Variants in GRAMD1B observed in about 807,000 individuals in gnomAD.
The protein encoded by GRAMD1B is GRAM domain containing 1B.
Under a neutral mutation model 99.7 loss-of-function variants are expected in GRAMD1B, and 37 were observed. The observed-to-expected ratio is 0.37, with a 90% CI of 0.29 to 0.49. GRAMD1B has a LOEUF of 0.49. Among genes scored for constraint, GRAMD1B ranks in the 20% least tolerant of loss-of-function variants. The pLI is 0.98. For missense variants in GRAMD1B, 888 were observed against 1,009.2 expected (o/e 0.88, Z 1.63); for synonymous variants, 427 against 387.6 (o/e 1.10, Z -1.19).
At chr11:123,437,540 T>A (rs189367005) in intron 1 of GRAMD1B, among the ~76,000 whole-genome samples, 1 of 152,156 alleles carries the variant, frequency 6.6e-6, no homozygotes, top group Non-Finnish European at 1.5e-5. Flanking sequence ...TGTACCATCT[T>A]TCACCTGGCT....
chr11:123,569,011 G>T (rs1030350894), intron 2 of GRAMD1B, among the ~76,000 whole-genome samples: 1 of 152,140 alleles, frequency 6.6e-6, no homozygotes, highest in African/African-American at 2.4e-5. Context: ...TGTGTGTGTG[G>T]GGAAGGGGAG....
chr11:123,470,644 A>G (rs904729385), intron 1 of GRAMD1B, among the ~76,000 whole-genome samples: 1 of 151,768 alleles, frequency 6.6e-6, no homozygotes, highest in Non-Finnish European at 1.5e-5. Context: ...CTCCCAAGTA[A>G]GAGAACACAA....
In GRAMD1B at chr11:123,610,038, G is replaced by A. The variant is rs1243188250; in HGVS notation, c.1776+125G>A. 5 of 840,698 alleles carry A rather than the reference G, an allele frequency of 5.9e-6. No homozygotes were observed. The highest frequency in any genetic ancestry group is 9.7e-6 in the Non-Finnish European group (5 of 515,180). 52.1% of individuals were successfully genotyped at this position (840,698 alleles called of 1,614,324 possible). ...AGTGTCATTTTGCCCCAAAGCGGTG[G>A]TGGCGTCTTGCTTGTTTAGTTGCTG... On this transcript the variant is annotated intron_variant, in intron 13 of 19. Transcript: ENST00000635736. This position sits in a 1 kb window ranked among gnomAD's most constrained non-coding sequence, Gnocchi z 4.1.
At chr11:123,542,347 T>C (rs1344491354) in intron 2 of GRAMD1B, among the ~76,000 whole-genome samples, 1 of 152,186 alleles carries the variant, frequency 6.6e-6, no homozygotes, top group Non-Finnish European at 1.5e-5. Flanking sequence ...CAAGGTCCCA[T>C]AGGGAACGTG....
intron 1 of GRAMD1B, among the ~76,000 whole-genome samples, chr11:123,476,466 C>T (rs1354929502): frequency 6.6e-6 from 1 of 152,212 alleles, no homozygotes; most frequent in Non-Finnish European, 1.5e-5. Flanking sequence ...GGCCAGGCCT[C>T]TGCCGAGGGT....
At chr11:123,488,106 C>T (rs1371299084) in intron 2 of GRAMD1B, among the ~76,000 whole-genome samples, 3 of 152,276 alleles carry the variant, frequency 2.0e-5, no homozygotes, top group African/African-American at 4.8e-5. Flanking sequence ...TTGCTTTGTC[C>T]TTACGTGGTA....
At position 123,610,819 on chromosome 11, in the gene GRAMD1B, C is replaced by T. The variant is rs538904724; in HGVS notation, c.1919+481C>T. ...TGTTAGACAGTGAGCTCCACGAGGA[C>T]AGGAATTCCATTCCACTTACACTTT... On this transcript the variant is annotated intron_variant, in intron 14 of 19. Coordinates refer to ENST00000635736, the MANE Select transcript of GRAMD1B (RefSeq NM_001387025.1). This position sits in a 1 kb window ranked among gnomAD's most constrained non-coding sequence, Gnocchi z 4.1. Among the ~76,000 whole-genome samples the T allele has an allele frequency of 1.3e-5, 2 of 152,192 alleles. No individual in the cohort carries two copies. The highest frequency in any genetic ancestry group is 2.9e-5 in the Non-Finnish European group (2 of 68,048).
intron 1 of GRAMD1B, among the ~76,000 whole-genome samples, chr11:123,395,204 AT>A: frequency 6.6e-6 from 1 of 152,338 alleles, no homozygotes; most frequent in East Asian, 1.9e-4. Context: ...AATAAAACAG[AT>A]TCTGGGAAAG....
chr11:123,411,074 G>A (rs541601318), intron 1 of GRAMD1B, among the ~76,000 whole-genome samples: 10 of 151,270 alleles, frequency 6.6e-5, no homozygotes, highest in Admixed American at 4.6e-4. Flanking sequence ...GCATGATCTC[G>A]GCTCACTGCA....
At chr11:123,445,559 T>C (rs1247707382) in intron 1 of GRAMD1B, among the ~76,000 whole-genome samples, 1 of 152,092 alleles carries the variant, frequency 6.6e-6, no homozygotes, top group Non-Finnish European at 1.5e-5. Flanking sequence ...CTTACCCTTG[T>C]AATCCCAGAA....
chr11:123,384,480 A>G (rs905001396), intron 1 of GRAMD1B, among the ~76,000 whole-genome samples: 4 of 152,098 alleles, frequency 2.6e-5, no homozygotes, highest in African/African-American at 9.7e-5. Context: ...TAAACCCTCT[A>G]GTCACTTATG....
intron 1 of GRAMD1B, among the ~76,000 whole-genome samples, chr11:123,384,468 C>A (rs1464091166): frequency 5.3e-5 from 8 of 152,182 alleles, no homozygotes; most frequent in Non-Finnish European, 8.8e-5. Context: ...ACCCCCTTCC[C>A]CTAAACCCTC....
intron 1 of GRAMD1B, among the ~76,000 whole-genome samples, chr11:123,385,610 C>A (rs1947028270): frequency 6.6e-6 from 1 of 152,138 alleles, no homozygotes. Flanking sequence ...GCCCCACAAG[C>A]CTGGAGAGTC....
chr11:123,379,332 C>T (rs1946795213), intron 1 of GRAMD1B, among the ~76,000 whole-genome samples: 1 of 152,108 alleles, frequency 6.6e-6, no homozygotes, highest in Admixed American at 6.5e-5. Flanking sequence ...ATGATGCCTA[C>T]CTGACAAGGC....
intron 1 of GRAMD1B, among the ~76,000 whole-genome samples, chr11:123,466,507 T>C (rs1269084354): frequency 6.6e-6 from 1 of 151,754 alleles, no homozygotes; most frequent in Non-Finnish European, 1.5e-5. Context: ...AAGAAAAAGA[T>C]TGACTGACTG....
chr11:123,495,883 C>T (rs1939196948), intron 2 of GRAMD1B, among the ~76,000 whole-genome samples: 1 of 152,074 alleles, frequency 6.6e-6, no homozygotes, highest in Non-Finnish European at 1.5e-5. Context: ...TTTTAGCTTT[C>T]TGTTGTTCTT....
chr11:123,477,044 T>C (rs1286306429), intron 1 of GRAMD1B, among the ~76,000 whole-genome samples: 1 of 152,240 alleles, frequency 6.6e-6, no homozygotes, highest in African/African-American at 2.4e-5. Context: ...TCTTTTCCTA[T>C]AACCCATAAA....
At position 123,419,698 on chromosome 11, in the gene GRAMD1B, AGTGTGTGTGTGTGTGTGT is replaced by A. The variant is rs3222403; in HGVS notation, c.-176+60931_-176+60948del. ...CAAGAAGGGAGTCGGGGAATTTCTA[AGTGTGTGTGTGTGTGTGT>A]GTGTGTGTGTGTGTGTGTGTGTGTG... On this transcript the variant is annotated intron_variant, in intron 1 of 20. Coordinates refer to the GRAMD1B transcript ENST00000638157. 4.2e-3 allele frequency among the ~76,000 whole-genome samples: 564 copies of A among 134,096 alleles called. 5 individuals are homozygous for A. The highest frequency in any genetic ancestry group is 6.8e-3 in the African/African-American group (242 of 35,612). 88.0% of individuals were successfully genotyped at this position (134,096 alleles called of 152,430 possible). A position where few individuals can be genotyped will look rare whatever the true frequency, so the allele number is the denominator to read the frequency against.
intron 1 of GRAMD1B, among the ~76,000 whole-genome samples, chr11:123,449,456 C>T (rs543326804): frequency 3.0e-4 from 46 of 152,254 alleles, no homozygotes; most frequent in African/African-American, 1.1e-3. Context: ...AATAATTACC[C>T]CTTCATATGC....
Sources: gnomAD v4.1 joint callset for allele counts (sites outside exome capture counted in the v4.1 genomes callset) on GRCh38, gnomAD v4.1.1 for gene constraint, Gnocchi (gnomAD v3.1) non-coding constraint, MANE v1.5 for transcripts, NCBI Gene and HGNC (gene_info 2026-07-23, HGNC 2026-07-21) for gene names.